RNGTT: variants seen among roughly 807,000 people sequenced by gnomAD.
The protein encoded by RNGTT is mRNA-capping enzyme.
Under a neutral mutation model 79.3 loss-of-function variants are expected in RNGTT, and 33 were observed. The ratio of observed to expected loss-of-function variants is 0.42; its 90% CI spans 0.32 to 0.56. The LOEUF (loss-of-function observed/expected upper bound fraction) is 0.56. RNGTT is among the 20% of genes least tolerant of loss of function. RNGTT has a pLI of 0.17. For synonymous variants in RNGTT, 222 were observed against 235.9 expected (o/e 0.94, Z 0.54); for missense variants, 497 against 739.1 (o/e 0.67, Z 3.80).
Position 88,746,423 on chromosome 6 carries a change from G to A in RNGTT, c.1439+23351C>T, listed in dbSNP as rs183733439. On this transcript the variant is annotated intron_variant, in intron 13 of 15. Coordinates refer to ENST00000369485, the MANE Select transcript of RNGTT (RefSeq NM_003800.5). ...ATTATGTACCAAATCATCCCCAGAA[G>A]GGCCTATTGCTATCTACTAGAGCAG... Among the ~76,000 whole-genome samples the A allele has an allele frequency of 2.6e-5, 4 of 152,270 alleles. No homozygotes were observed. In the East Asian group the frequency reaches 5.8e-4, roughly 22 times the overall value.
chr6:88,944,344 C>T (rs758278808), intron 1 of RNGTT, among the ~76,000 whole-genome samples: 2 of 152,220 alleles, frequency 1.3e-5, no homozygotes, highest in Non-Finnish European at 2.9e-5. Flanking sequence ...ATGAAGACTA[C>T]GGATGTAGAG....
In RNGTT at chr6:88,939,919, AT is replaced by A. The variant is rs1170857638; in HGVS notation, c.174+1151del. The stretch of plus-strand genomic sequence containing the variant: ...AGGCACACACCACCATGCCCGGCTA[AT>A]TTTTTTTTTTAATTTTTTGTAGAGA... On this transcript the variant is annotated intron_variant, in intron 2 of 15. Transcript: ENST00000369485. Among the ~76,000 whole-genome samples, 28 of 146,730 alleles carry A rather than the reference AT, an allele frequency of 1.9e-4. No homozygotes were observed. The South Asian group carries it at 2.7e-3, about 14-fold the overall frequency.
chr6:88,907,825 C>T (rs1028634967), intron 4 of RNGTT, among the ~76,000 whole-genome samples: 1 of 150,484 alleles, frequency 6.6e-6, no homozygotes, highest in Non-Finnish European at 1.5e-5. Context: ...CAGCCTTGAC[C>T]TCCTGGGCTC....
At chr6:88,719,257 C>G (rs1405353690) in intron 13 of RNGTT, among the ~76,000 whole-genome samples, 1 of 152,200 alleles carries the variant, frequency 6.6e-6, no homozygotes, top group Non-Finnish European at 1.5e-5. Flanking sequence ...GCTTTCCCTT[C>G]ACTTAGCTTC....
At chr6:88,743,981 T>C (rs9351175) in intron 13 of RNGTT, among the ~76,000 whole-genome samples, 19,441 of 152,170 alleles carry the variant, frequency 0.13, 1,420 homozygotes, top group Middle Eastern at 0.23. Context: ...AAAAATGGCT[T>C]AGTATAAAGC....
In RNGTT at chr6:88,827,369, G is replaced by A. The variant is rs553010608; in HGVS notation, c.1269+16988C>T. Among the ~76,000 whole-genome samples the A allele has an allele frequency of 2.0e-4, 30 of 152,244 alleles. No individual in the cohort carries two copies. The East Asian group carries it at 4.1e-3, about 21-fold the overall frequency. ...CAGTGCACTCAGGCCCAGATACTAC[G>A]CTCTTCCCACAGTCTTTGCAACCTG... On this transcript the variant is annotated intron_variant, in intron 11 of 15. Coordinates refer to ENST00000369485, the MANE Select transcript of RNGTT (RefSeq NM_003800.5).
chr6:88,879,469 C>A (rs766761120), intron 8 of RNGTT, among the ~76,000 whole-genome samples: 1 of 152,082 alleles, frequency 6.6e-6, no homozygotes, highest in Non-Finnish European at 1.5e-5. Context: ...TTTATCCACA[C>A]AACAACTATT....
intron 11 of RNGTT, among the ~76,000 whole-genome samples, chr6:88,808,200 T>G (rs1026530681): frequency 6.6e-6 from 1 of 152,170 alleles, no homozygotes; most frequent in Non-Finnish European, 1.5e-5. Flanking sequence ...TATAATTGAC[T>G]AATTAAAGTA....
At position 88,679,674 on chromosome 6, in the gene RNGTT, T is replaced by C. The variant is rs1222336544; in HGVS notation, c.1440-1255A>G. Among the ~76,000 whole-genome samples the C allele has an allele frequency of 2.6e-5, 4 of 152,184 alleles. No individual in the cohort carries two copies. The East Asian group carries it at 5.8e-4, about 22-fold the overall frequency. ...CATCTCTCTTAAATGCAATGAAACATTGAGAATGAAGAAATACTATCATTA... is the reference window on the plus strand; with the variant it reads ...CATCTCTCTTAAATGCAATGAAACACTGAGAATGAAGAAATACTATCATTA... On this transcript the variant is annotated intron_variant, in intron 13 of 15. Coordinates refer to ENST00000369485, the MANE Select transcript of RNGTT (RefSeq NM_003800.5).
At position 88,856,417 on chromosome 6, in the gene RNGTT, T is replaced by TACACAC. The variant is rs138693589; in HGVS notation, c.897-2659_897-2654dup. Among the ~76,000 whole-genome samples the TACACAC allele has an allele frequency of 3.8e-3, 570 of 150,240 alleles. 10 individuals carry two copies. Among genetic ancestry groups the TACACAC allele is most frequent in the African/African-American group, 0.013 (547 of 41,138 alleles). On this transcript the variant is annotated intron_variant, in intron 8 of 15. Transcript: ENST00000369485. ...TCCCAGGGTGAAGATGTATTTATTT[T>TACACAC]ACACACACACACACACACACATCTT...
intron 6 of RNGTT, among the ~76,000 whole-genome samples, chr6:88,900,280 A>G (rs550996435): frequency 8.5e-5 from 13 of 152,316 alleles, no homozygotes; most frequent in African/African-American, 3.1e-4. Context: ...AACTGAAATG[A>G]CAAGATGAAG....
At chr6:88,630,396 C>T (rs1442369506) in intron 14 of RNGTT, among the ~76,000 whole-genome samples, 1 of 152,150 alleles carries the variant, frequency 6.6e-6, no homozygotes, top group East Asian at 1.9e-4. Context: ...TTCCAGGGAC[C>T]ACAGTCCTTC....
intron 12 of RNGTT, among the ~76,000 whole-genome samples, chr6:88,794,322 G>GA (rs1402154455): frequency 6.6e-6 from 1 of 151,920 alleles, no homozygotes; most frequent in Non-Finnish European, 1.5e-5. Flanking sequence ...TTTTTGAAAG[G>GA]AAAAAAGATA....
At chr6:88,757,904 C>T (rs1368507846) in intron 13 of RNGTT, among the ~76,000 whole-genome samples, 1 of 152,176 alleles carries the variant, frequency 6.6e-6, no homozygotes, top group East Asian at 1.9e-4. Flanking sequence ...GCAACTTTTA[C>T]TCCTATTGTT....
At chr6:88,781,269 G>A (rs866035815) in intron 12 of RNGTT, among the ~76,000 whole-genome samples, 1 of 152,066 alleles carries the variant, frequency 6.6e-6, no homozygotes, top group Non-Finnish European at 1.5e-5. Flanking sequence ...AGGATATCTA[G>A]ACCAGAGATA....
At chr6:88,895,990 C>T (rs187571468) in intron 6 of RNGTT, among the ~76,000 whole-genome samples, 80 of 152,232 alleles carry the variant, frequency 5.3e-4, no homozygotes, top group Middle Eastern at 3.4e-3. Context: ...TTGAACACCC[C>T]GTACCGTGTC....
chr6:88,645,602 T>G (rs1420253340), intron 14 of RNGTT, among the ~76,000 whole-genome samples: 1 of 152,174 alleles, frequency 6.6e-6, no homozygotes, highest in Non-Finnish European at 1.5e-5. Flanking sequence ...GACTCCAAAG[T>G]ATACTACAAG....
intron 6 of RNGTT, among the ~76,000 whole-genome samples, chr6:88,901,008 G>A (rs1783436058): frequency 6.6e-6 from 1 of 151,696 alleles, no homozygotes; most frequent in East Asian, 1.9e-4. Flanking sequence ...TGGGTGTGGT[G>A]GTGCACACCT....
At chr6:88,919,080 C>A (rs1270376962) in intron 4 of RNGTT, among the ~76,000 whole-genome samples, 1 of 152,064 alleles carries the variant, frequency 6.6e-6, no homozygotes, top group Non-Finnish European at 1.5e-5. Context: ...TATAAAGTTA[C>A]AAAACCATCA....
Sources: allele counts gnomAD v4.1 joint callset (sites outside exome capture counted in the v4.1 genomes callset), GRCh38; gene constraint gnomAD v4.1.1; transcripts MANE v1.5; gene names NCBI Gene and HGNC (gene_info 2026-07-23, HGNC 2026-07-21).